Variants in STIM1 observed in about 807,000 individuals in gnomAD.
The protein encoded by STIM1 is stromal interaction molecule 1.
A neutral mutation model predicts 74.7 loss-of-function variants in STIM1; 25 were observed. That is an observed-to-expected ratio of 0.33 (90% CI 0.24 to 0.47). The LOEUF is 0.47. Among genes scored for constraint, STIM1 ranks in the 20% least tolerant of loss-of-function variants. The pLI is 1.00. For missense variants in STIM1, 728 were observed against 920.8 expected (o/e 0.79, Z 2.71); for synonymous variants, 328 against 348.8 (o/e 0.94, Z 0.66).
At chr11:3,855,608 C>CGTG (rs1554949646), upstream of STIM1, 1 of 139,096 alleles carries the variant, frequency 7.2e-6, no homozygotes, top group African/African-American at 2.5e-5. Flanking sequence ...GGGGCGGGCG[C>CGTG]GGAGACGCAC....
At chr11:4,023,601 G>A (rs2136017757) in intron 2 of STIM1, among the ~76,000 whole-genome samples, 1 of 152,168 alleles carries the variant, frequency 6.6e-6, no homozygotes, top group East Asian at 1.9e-4. Flanking sequence ...TCAGTTAACT[G>A]TCATGTATTG....
chr11:4,015,274 T>A (rs1021369062), intron 2 of STIM1, among the ~76,000 whole-genome samples: 5 of 152,242 alleles, frequency 3.3e-5, no homozygotes, highest in South Asian at 4.1e-4. Context: ...CATTTGCTTG[T>A]CTGTAAAGGA....
At chr11:3,971,593 T>C (rs2093396464) in intron 2 of STIM1, among the ~76,000 whole-genome samples, 1 of 152,100 alleles carries the variant, frequency 6.6e-6, no homozygotes. Context: ...CCATGGGATA[T>C]CTGTTTCTAC....
At chr11:3,894,667 G>C (rs570840208) in intron 1 of STIM1, among the ~76,000 whole-genome samples, 246 of 152,276 alleles carry the variant, frequency 1.6e-3, no homozygotes, top group African/African-American at 5.5e-3. Context: ...GTTTAGGGCT[G>C]ATTCCTAGGA....
chr11:3,997,765 T>C lies in STIM1; in HGVS notation c.271-26108T>C, dbSNP rs561139057. On this transcript the variant is annotated intron_variant, in intron 2 of 12. Transcript: ENST00000526596. ...GGGAATGAGAGGAAGTGGCAACTGATGCACTGAGGAAGGCCAGCCCATAGA... is the reference window on the plus strand; with the variant it reads ...GGGAATGAGAGGAAGTGGCAACTGACGCACTGAGGAAGGCCAGCCCATAGA... Among the ~76,000 whole-genome samples, 4 of 152,324 alleles carry C rather than the reference T, an allele frequency of 2.6e-5. No individual in the cohort carries two copies. The South Asian group carries it at 8.3e-4, about 32-fold the overall frequency.
At chr11:3,940,002 T>C (rs956510344) in intron 1 of STIM1, among the ~76,000 whole-genome samples, 1 of 152,240 alleles carries the variant, frequency 6.6e-6, no homozygotes, top group Admixed American at 6.5e-5. Flanking sequence ...TGTTACTTGT[T>C]TTCTGGGATC....
chr11:3,900,657 C>T (rs1017023690), intron 1 of STIM1, among the ~76,000 whole-genome samples: 1 of 152,210 alleles, frequency 6.6e-6, no homozygotes, highest in Admixed American at 6.5e-5. Context: ...GCGATCACAG[C>T]TCACTGCAGC....
At chr11:4,039,204 A>G (rs539511169) in intron 3 of STIM1, among the ~76,000 whole-genome samples, 79 of 152,216 alleles carry the variant, frequency 5.2e-4, no homozygotes, top group African/African-American at 1.7e-3. Context: ...CTGTGAGAGG[A>G]TCACTTGAGC....
chr11:3,992,253 A>T (rs1366092077), intron 2 of STIM1, among the ~76,000 whole-genome samples: 1 of 151,308 alleles, frequency 6.6e-6, no homozygotes, highest in Admixed American at 6.6e-5. Context: ...TACAAAAAAA[A>T]AAACACAAAA....
chr11:3,934,253 C>G (rs1441171538), intron 1 of STIM1, among the ~76,000 whole-genome samples: 1 of 151,592 alleles, frequency 6.6e-6, no homozygotes, highest in East Asian at 1.9e-4. Flanking sequence ...CTTCTGGAGA[C>G]TTTGCAGTCT....
intron 1 of STIM1, chr11:3,892,330 G>T: frequency 1.0e-6 from 1 of 967,204 alleles, no homozygotes; most frequent in Non-Finnish European, 1.6e-6. Flanking sequence ...GGGTGGAGGG[G>T]TGCTCTCCTG....
In STIM1 at chr11:4,082,948, C is replaced by T. The variant is rs201091587; in HGVS notation, c.1204C>T (p.Leu402=). ...GTFHVAHSSS[L]DDVDHKILTA... ...CTTCCACGTGGCCCACAGCTCTTCC[C>T]TGGATGATGTAGATCATAAAATTCT... The change falls in exon 9 of 13, where the codon CTG becomes TTG. Residue 402 remains leucine (L), a synonymous_variant. Coordinates refer to ENST00000526596, the MANE Select transcript of STIM1 (RefSeq NM_001382567.1). 78 of 1,614,038 alleles carry T rather than the reference C, an allele frequency of 4.8e-5. No individual in the cohort carries two copies. Among genetic ancestry groups the T allele is most frequent in the Non-Finnish European group, 6.3e-5 (74 of 1,180,036 alleles).
intron 1 of STIM1, among the ~76,000 whole-genome samples, chr11:3,881,607 A>G (rs2091504434): frequency 6.6e-6 from 1 of 152,046 alleles, no homozygotes; most frequent in Non-Finnish European, 1.5e-5. Flanking sequence ...TCCTGACCTC[A>G]TGATCTGCCC....
chr11:4,039,084 C>T (rs2094127184), intron 3 of STIM1, among the ~76,000 whole-genome samples: 1 of 152,116 alleles, frequency 6.6e-6, no homozygotes, highest in South Asian at 2.1e-4. Context: ...CAACTGCTGT[C>T]TCATTTGAGA....
At chr11:4,051,677 C>T (rs1039741239) in intron 3 of STIM1, among the ~76,000 whole-genome samples, 3 of 150,908 alleles carry the variant, frequency 2.0e-5, no homozygotes, top group Admixed American at 1.3e-4. Flanking sequence ...GCAACAGTCT[C>T]ACTCCGTCAC....
intron 2 of STIM1, among the ~76,000 whole-genome samples, chr11:4,013,243 G>A (rs2135966756): frequency 6.6e-6 from 1 of 152,300 alleles, no homozygotes; most frequent in Non-Finnish European, 1.5e-5. Flanking sequence ...CTCATAAAAT[G>A]AGTTAAGGAG....
At chr11:3,884,773 C>T (rs1360000895) in intron 1 of STIM1, among the ~76,000 whole-genome samples, 1 of 149,358 alleles carries the variant, frequency 6.7e-6, no homozygotes, top group African/African-American at 2.5e-5. Context: ...CAGAGCCAGA[C>T]CCCATCTCAA....
intron 1 of STIM1, among the ~76,000 whole-genome samples, chr11:3,920,028 T>C (rs1292557698): frequency 6.6e-6 from 1 of 152,074 alleles, no homozygotes; most frequent in Non-Finnish European, 1.5e-5. Context: ...CAGTAAGCTA[T>C]GATTGCGCCA....
At chr11:4,059,417 G>C (rs769169994) in intron 5 of STIM1, 21 bp downstream of exon 5, 2 of 1,604,290 alleles carry the variant, frequency 1.2e-6, no homozygotes, top group African/African-American at 2.7e-5. Context: ...TGTTGAGAAG[G>C]GCTACTGCTG....
Sources: gnomAD v4.1 joint callset for allele counts (sites outside exome capture counted in the v4.1 genomes callset) on GRCh38, gnomAD v4.1.1 for gene constraint, MANE v1.5 for transcripts, NCBI Gene and HGNC (gene_info 2026-07-23, HGNC 2026-07-21) for gene names.